CCDC7: variants seen among roughly 807,000 people sequenced by gnomAD.
The protein encoded by CCDC7 is coiled-coil domain containing 7.
CCDC7 carries 183 observed loss-of-function variants against 196.9 expected under a neutral mutation model. The observed-to-expected ratio is 0.93, with a 90% CI of 0.82 to 1.05. CCDC7 has a LOEUF of 1.05. Ranked by LOEUF, CCDC7 falls within the 50% of genes least tolerant of loss-of-function variation. The pLI, the probability that CCDC7 is intolerant of heterozygous loss-of-function variation, is 0.00. For missense variants in CCDC7, 1,540 were observed against 1,482.2 expected (o/e 1.04, Z -0.64); for synonymous variants, 525 against 484.6 (o/e 1.08, Z -1.10).
intron 28 of CCDC7, among the ~76,000 whole-genome samples, chr10:32,736,164 T>G (rs1228691755): frequency 6.6e-6 from 1 of 152,162 alleles, no homozygotes; most frequent in Non-Finnish European, 1.5e-5. Context: ...CCATTCAAAT[T>G]AGAATCAGTT....
At chr10:32,520,302 C>T (rs1292126802) in intron 11 of CCDC7, among the ~76,000 whole-genome samples, 1 of 152,024 alleles carries the variant, frequency 6.6e-6, no homozygotes, top group Non-Finnish European at 1.5e-5. Context: ...AAACTATTTT[C>T]CATAGTGGTT....
intron 21 of CCDC7, among the ~76,000 whole-genome samples, chr10:32,667,843 G>T (rs924526841): frequency 6.6e-6 from 1 of 152,110 alleles, no homozygotes; most frequent in African/African-American, 2.4e-5. Context: ...GATTGACTTG[G>T]CAATGCAGGC....
chr10:32,462,559 A>T (rs2035959374), intron 3 of CCDC7, 124 bp from the exon 5 acceptor site: 1 of 743,084 alleles, frequency 1.3e-6, no homozygotes, highest in Admixed American at 4.2e-5. Context: ...AGATTTATAA[A>T]GTTATATTTT....
intron 9 of CCDC7, chr10:32,511,530 A>C (rs774024154): frequency 6.2e-7 from 1 of 1,606,724 alleles, no homozygotes; most frequent in Non-Finnish European, 8.5e-7. Context: ...TGGGTTGCCA[A>C]ATAAACCCAA....
intron 9 of CCDC7, among the ~76,000 whole-genome samples, chr10:32,496,982 G>T (rs182653670): frequency 6.6e-6 from 1 of 152,266 alleles, no homozygotes; most frequent in African/African-American, 2.4e-5. Flanking sequence ...GCTCCTCTTT[G>T]TACCTTTGGT....
chr10:32,817,200 G>C (rs1031450722), intron 31 of CCDC7, among the ~76,000 whole-genome samples: 2 of 152,164 alleles, frequency 1.3e-5, no homozygotes, highest in African/African-American at 4.8e-5. Flanking sequence ...GCACAAGCCT[G>C]AGTAGCCGAT....
chr10:32,683,353 T>C (rs1334626756), intron 21 of CCDC7, among the ~76,000 whole-genome samples: 1 of 152,194 alleles, frequency 6.6e-6, no homozygotes, highest in Non-Finnish European at 1.5e-5. Flanking sequence ...TTGGTCTATG[T>C]GTATGTTTTT....
chr10:32,587,171 T>C (rs1265110858), intron 18 of CCDC7, among the ~76,000 whole-genome samples: 1 of 152,220 alleles, frequency 6.6e-6, no homozygotes, highest in African/African-American at 2.4e-5. Context: ...TCCACAACTT[T>C]TCATCACTCC....
At chr10:32,810,468 T>C (rs1166178228) in intron 30 of CCDC7, among the ~76,000 whole-genome samples, 1 of 152,072 alleles carries the variant, frequency 6.6e-6, no homozygotes, top group Non-Finnish European at 1.5e-5. Flanking sequence ...AAAGAGGATA[T>C]ACCAATTTTA....
intron 18 of CCDC7, among the ~76,000 whole-genome samples, chr10:32,604,812 C>T (rs954295809): frequency 1.6e-4 from 24 of 151,792 alleles, no homozygotes; most frequent in African/African-American, 2.4e-4. Context: ...AGCAGTTTTA[C>T]GAGTTTTCTG....
At chr10:32,823,167 G>T (rs1181198650) in intron 31 of CCDC7, among the ~76,000 whole-genome samples, 1 of 150,952 alleles carries the variant, frequency 6.6e-6, no homozygotes, top group Non-Finnish European at 1.5e-5. Context: ...TTTTGAGATG[G>T]TGTCTTGCTC....
At chr10:32,879,316 G>A (rs2094705488), downstream of CCDC7, among the ~76,000 whole-genome samples, 1 of 152,154 alleles carries the variant, frequency 6.6e-6, no homozygotes, top group Admixed American at 6.5e-5. Context: ...ATTCCATACA[G>A]TATCTGCTAA....
chr10:32,471,644 T>G (rs1361913587), intron 6 of CCDC7, among the ~76,000 whole-genome samples: 1 of 152,202 alleles, frequency 6.6e-6, no homozygotes, highest in Non-Finnish European at 1.5e-5. Flanking sequence ...CATGAACACC[T>G]TCATTAATTA....
At chr10:32,539,038 T>G (rs61060938) in intron 11 of CCDC7, among the ~76,000 whole-genome samples, 13,430 of 151,956 alleles carry the variant, frequency 0.088, 863 homozygotes, top group East Asian at 0.33. Flanking sequence ...TCAGTTTTTT[T>G]GAATAATTTT....
intron 33 of CCDC7, among the ~76,000 whole-genome samples, chr10:32,840,876 C>T (rs1191027507): frequency 6.6e-6 from 1 of 151,770 alleles, no homozygotes; most frequent in African/African-American, 2.4e-5. Context: ...TGTGATACAC[C>T]ACATAAACAG....
At chr10:32,855,279 G>A (rs796259323) in intron 41 of CCDC7, among the ~76,000 whole-genome samples, 4 of 151,518 alleles carry the variant, frequency 2.6e-5, no homozygotes, top group African/African-American at 7.3e-5. Context: ...GACCGGTTTC[G>A]TGGAAGACAA....
intron 9 of CCDC7, among the ~76,000 whole-genome samples, chr10:32,493,514 A>T (rs564054936): frequency 3.3e-5 from 5 of 151,788 alleles, no homozygotes; most frequent in African/African-American, 1.2e-4. Flanking sequence ...ATGGGTATCT[A>T]CTCAACATGA....
In CCDC7 at chr10:32,453,328, TA is replaced by T. The variant is rs2033573887; in HGVS notation, c.280-15del. ...ACTATTAAAGTATCTAATTGGCTTT[TA>T]TTTTTTTTTTACAGGTTGTTTCCAC... On this transcript the variant is annotated splice_polypyrimidine_tract_variant and intron_variant, in intron 1 of 41. Transcript: ENST00000639629. 3 of 1,467,160 alleles carry T rather than the reference TA, an allele frequency of 2.0e-6. No homozygotes were observed. The highest frequency in any genetic ancestry group is 2.4e-5 in the Admixed American group (1 of 41,714). The allele number at this position is 1,467,160 out of a possible 1,614,324, so 90.9% of individuals were successfully genotyped here.
chr10:32,815,676 A>G (rs915056024), intron 31 of CCDC7, among the ~76,000 whole-genome samples: 12 of 152,226 alleles, frequency 7.9e-5, no homozygotes, highest in African/African-American at 2.7e-4. Flanking sequence ...AATAAATACA[A>G]ATCAATCCAT....
Sources: allele counts gnomAD v4.1 joint callset (sites outside exome capture counted in the v4.1 genomes callset), GRCh38; gene constraint gnomAD v4.1.1; transcripts MANE v1.5; gene names NCBI Gene and HGNC (gene_info 2026-07-23, HGNC 2026-07-21).